RBM20: variants seen among roughly 807,000 people sequenced by gnomAD.
The protein encoded by RBM20 is RNA binding motif protein 20.
RBM20 carries 51 observed loss-of-function variants against 110.1 expected under a neutral mutation model. The observed-to-expected ratio is 0.46, with a 90% CI of 0.37 to 0.59. The LOEUF (loss-of-function observed/expected upper bound fraction) is 0.59. Ranked by LOEUF, RBM20 falls within the 20% of genes least tolerant of loss-of-function variation. The pLI, the probability that RBM20 is intolerant of heterozygous loss-of-function variation, is 0.00. For missense variants in RBM20, 1,512 were observed against 1,574.9 expected (o/e 0.96, Z 0.68); for synonymous variants, 589 against 618.2 (o/e 0.95, Z 0.70).
At position 110,821,882 on chromosome 10, in the gene RBM20, C is replaced by T. The variant is rs1331072040; in HGVS notation, c.3263C>T (p.Pro1088Leu). The change falls in exon 11 of 14, where the codon CCC becomes CTC. Residue 1088 changes from proline (P) to leucine (L), a missense_variant. Transcript: ENST00000369519. Reference protein sequence around the residue: ...EGSPLEEKASPPIETDLQNQA... With the variant: ...EGSPLEEKASLPIETDLQNQA... The stretch of plus-strand genomic sequence containing the variant: ...AGCCCCCTGGAGGAGAAAGCCAGCC[C>T]CCCCATCGAAACTGACCTCCAAAAC... The T allele has an allele frequency of 6.4e-7, 1 of 1,551,594 alleles. No individual in the cohort carries two copies. The highest frequency in any genetic ancestry group is 2.4e-5 in the East Asian group (1 of 40,924).
At chr10:110,801,448 C>T (rs1844622535) in intron 7 of RBM20, among the ~76,000 whole-genome samples, 1 of 151,376 alleles carries the variant, frequency 6.6e-6, no homozygotes, top group South Asian at 2.1e-4. Context: ...AAAAAGTTTT[C>T]AATGGTCCAC....
rs1217929695 is a variant in RBM20 at position 110,838,772 on chromosome 10, T to G, written c.*2794T>G. 1 of 151,884 alleles carries G rather than the reference T, an allele frequency of 6.6e-6. No individual in the cohort carries two copies. The highest frequency in any genetic ancestry group is 1.5e-5 in the Non-Finnish European group (1 of 68,024). The allele number at this position is 151,884 out of a possible 1,614,324, so 9.4% of individuals were successfully genotyped here. A position where few individuals can be genotyped will look rare whatever the true frequency, so the allele number is the denominator to read the frequency against. ...GGAGAGCCCCTGGGAGGGAGAGAGA[T>G]AAGGCGCTATCTGCCTTCAATCAGA... On this transcript the variant is annotated 3_prime_UTR_variant, in exon 14 of 14. Transcript: ENST00000369519.
intron 12 of RBM20, among the ~76,000 whole-genome samples, chr10:110,826,887 C>T (rs1426542167): frequency 1.3e-5 from 2 of 152,096 alleles, no homozygotes; most frequent in Non-Finnish European, 2.9e-5. Flanking sequence ...GCCACCGTGC[C>T]CGGCCAGTCT....
intron 1 of RBM20, among the ~76,000 whole-genome samples, chr10:110,765,307 T>C (rs1308722531): frequency 6.6e-6 from 1 of 151,932 alleles, no homozygotes; most frequent in African/African-American, 2.4e-5. Flanking sequence ...AACTTAAAGG[T>C]GTTTGAAACA....
intron 1 of RBM20, among the ~76,000 whole-genome samples, chr10:110,687,247 A>T (rs1015759173): frequency 2.6e-5 from 4 of 152,202 alleles, no homozygotes; most frequent in Non-Finnish European, 5.9e-5. Flanking sequence ...GGCCCAAATT[A>T]TATTTTCCTT....
intron 1 of RBM20, among the ~76,000 whole-genome samples, chr10:110,748,399 G>T (rs1843810311): frequency 1.3e-5 from 2 of 152,160 alleles, no homozygotes; most frequent in African/African-American, 2.4e-5. Flanking sequence ...GTCTACCTGG[G>T]GAACTAAACC....
At chr10:110,798,399 C>G (rs1016903792) in intron 6 of RBM20, among the ~76,000 whole-genome samples, 5 of 152,220 alleles carry the variant, frequency 3.3e-5, no homozygotes, top group Non-Finnish European at 5.9e-5. Flanking sequence ...TAAGCTATCT[C>G]TCTCCATCAA....
At chr10:110,688,765 T>G (rs1421548495) in intron 1 of RBM20, among the ~76,000 whole-genome samples, 2 of 152,234 alleles carry the variant, frequency 1.3e-5, no homozygotes, top group Admixed American at 1.3e-4. Context: ...ATTATTAATG[T>G]TGGTACAATA....
chr10:110,706,074 C>T (rs1395328519), intron 1 of RBM20, among the ~76,000 whole-genome samples: 2 of 142,604 alleles, frequency 1.4e-5, no homozygotes, highest in Non-Finnish European at 3.1e-5. Flanking sequence ...GAGTGAGACT[C>T]CATCTCAAAA....
chr10:110,708,226 G>T (rs1590629055), intron 1 of RBM20, among the ~76,000 whole-genome samples: 3 of 152,222 alleles, frequency 2.0e-5, no homozygotes, highest in Non-Finnish European at 1.5e-5. Flanking sequence ...CTGAACAAGG[G>T]CCCCACATTT....
intron 9 of RBM20, among the ~76,000 whole-genome samples, chr10:110,818,789 G>A (rs1377317102): frequency 6.6e-6 from 1 of 152,240 alleles, no homozygotes; most frequent in East Asian, 1.9e-4. Context: ...ATTTTGACAA[G>A]AGAGGGCCAT....
In RBM20 at chr10:110,784,838, G is replaced by A; in HGVS notation, c.1476G>A (p.Arg492=). Reference sequence around the variant, plus strand: ...CATCATACGTGCCCATTCCAGCAAGGTCATTCACTCAGTCAAGCCCCACAT... The same window carrying A: ...CATCATACGTGCCCATTCCAGCAAGATCATTCACTCAGTCAAGCCCCACAT... ...LGTSYVPIPA[R]SFTQSSPTFP... Residue 492 remains arginine, a synonymous_variant, in exon 5 of 14, where the codon AGG becomes AGA. Transcript: ENST00000369519. 6 of 1,551,364 alleles carry A rather than the reference G, an allele frequency of 3.9e-6. No homozygotes were observed. Among genetic ancestry groups the A allele is most frequent in the Non-Finnish European group, 5.2e-6 (6 of 1,146,688 alleles).
intron 1 of RBM20, among the ~76,000 whole-genome samples, chr10:110,684,107 C>T (rs370488777): frequency 6.6e-6 from 1 of 152,114 alleles, no homozygotes; most frequent in South Asian, 2.1e-4. Context: ...CAAGAATTGT[C>T]ATTTGGGATG....
At chr10:110,826,668 C>T (rs1028226049) in intron 12 of RBM20, among the ~76,000 whole-genome samples, 3 of 151,930 alleles carry the variant, frequency 2.0e-5, no homozygotes, top group African/African-American at 7.3e-5. Context: ...CTGCAACCTC[C>T]ACCTCCTGGG....
intron 1 of RBM20, among the ~76,000 whole-genome samples, chr10:110,748,572 G>A (rs1843812576): frequency 6.6e-6 from 1 of 152,112 alleles, no homozygotes; most frequent in African/African-American, 2.4e-5. Context: ...GAGATGTAGG[G>A]GGTAGCTCTC....
chr10:110,706,870 G>A (rs1862847279), intron 1 of RBM20, among the ~76,000 whole-genome samples: 1 of 152,008 alleles, frequency 6.6e-6, no homozygotes. Flanking sequence ...CCTTTTTGTG[G>A]CTTTTGTGAG....
At chr10:110,679,808 G>T (rs964053684) in intron 1 of RBM20, among the ~76,000 whole-genome samples, 4 of 152,160 alleles carry the variant, frequency 2.6e-5, no homozygotes, top group African/African-American at 7.2e-5. Flanking sequence ...TAGCCCTGAT[G>T]GACTGGGGCA....
intron 4 of RBM20, 147 bp downstream of exon 4, chr10:110,784,579 A>G (rs1268747896): frequency 5.5e-6 from 4 of 732,196 alleles, no homozygotes; most frequent in East Asian, 2.7e-5. Flanking sequence ...ACTAAAATGC[A>G]TTGGGCCTGC....
chr10:110,831,240 G>A (rs1370171978), intron 13 of RBM20, 58 bp downstream of exon 13: 3 of 1,526,610 alleles, frequency 2.0e-6, no homozygotes, highest in Non-Finnish European at 2.7e-6. Context: ...CCATAACCGA[G>A]CCAGGTGTCT....
Sources: allele counts gnomAD v4.1 joint callset (sites outside exome capture counted in the v4.1 genomes callset), GRCh38; gene constraint gnomAD v4.1.1; transcripts MANE v1.5; gene names NCBI Gene and HGNC (gene_info 2026-07-23, HGNC 2026-07-21).